Variants in VPS53 observed in about 807,000 individuals in gnomAD.
The protein encoded by VPS53 is vacuolar protein sorting-associated protein 53 homolog.
In VPS53, 70 loss-of-function variants were observed where a neutral mutation model predicts 107.0. That is an observed-to-expected ratio of 0.65 (90% confidence interval 0.54 to 0.80). The LOEUF (loss-of-function observed/expected upper bound fraction) is 0.80. Ranked by LOEUF, VPS53 falls within the 30% of genes least tolerant of loss-of-function variation. The pLI is 0.00. For synonymous variants in VPS53, 409 were observed against 393.3 expected, an observed-to-expected ratio of 1.04 and a Z score of -0.47; for missense variants, 917 against 1,049.4, an observed-to-expected ratio of 0.87 and a Z score of 1.74.
intron 13 of VPS53, among the ~76,000 whole-genome samples, chr17:565,149 C>T (rs1913369873): frequency 6.6e-6 from 1 of 152,082 alleles, no homozygotes; most frequent in South Asian, 2.1e-4. Context: ...CACCTGTAAT[C>T]CCAGCACTTT....
chr17:579,952 C>T (rs1341193364), intron 13 of VPS53, among the ~76,000 whole-genome samples: 1 of 151,500 alleles, frequency 6.6e-6, no homozygotes, highest in African/African-American at 2.4e-5. Flanking sequence ...AATGCATTCC[C>T]AGAGAACCCC....
intron 19 of VPS53, among the ~76,000 whole-genome samples, chr17:529,266 C>T (rs1046065094): frequency 6.6e-5 from 10 of 152,186 alleles, no homozygotes; most frequent in Non-Finnish European, 1.5e-4. Flanking sequence ...GCTCTAATTA[C>T]AATACTGCTG....
At chr17:695,513 T>C (rs949140839) in intron 4 of VPS53, among the ~76,000 whole-genome samples, 8 of 152,078 alleles carry the variant, frequency 5.3e-5, no homozygotes, top group Admixed American at 1.3e-4. Context: ...AAAACTGGAA[T>C]TGGAGACCAG....
intron 4 of VPS53, among the ~76,000 whole-genome samples, chr17:663,201 C>CA (rs1016148094): frequency 6.6e-6 from 1 of 151,914 alleles, no homozygotes; most frequent in African/African-American, 2.4e-5. Flanking sequence ...GATCTTGTCT[C>CA]AAAAAAACAA....
At chr17:636,449 C>A (rs1267242538) in intron 7 of VPS53, among the ~76,000 whole-genome samples, 1 of 152,208 alleles carries the variant, frequency 6.6e-6, no homozygotes, top group Non-Finnish European at 1.5e-5. Context: ...TCTTCCAACA[C>A]TATGTTGAAT....
At position 518,196 on chromosome 17, in the gene VPS53, C is replaced by T. The variant is rs1053563535; in HGVS notation, c.*932G>A. The T allele has an allele frequency of 6.7e-6, 1 of 150,256 alleles. No homozygotes were observed. The highest frequency in any genetic ancestry group is 1.5e-5 in the Non-Finnish European group (1 of 67,372). 9.3% of individuals were successfully genotyped at this position (150,256 alleles called of 1,614,324 possible). A position where few individuals can be genotyped will look rare whatever the true frequency, so the allele number is the denominator to read the frequency against. On this transcript the variant is annotated 3_prime_UTR_variant, in exon 22 of 22. Coordinates refer to ENST00000437048, the MANE Select transcript of VPS53 (RefSeq NM_001128159.3). ...CAGGGTTAACGGCTTGATATGCTGC[C>T]ATTCTCTGGATGCAGGATGACATGA...
chr17:694,325 C>T (rs1377075538), intron 4 of VPS53, among the ~76,000 whole-genome samples: 2 of 152,088 alleles, frequency 1.3e-5, no homozygotes, highest in African/African-American at 4.8e-5. Flanking sequence ...GGGAGAACGC[C>T]GACATTCCTG....
At chr17:599,237 C>G (rs1360038654) in intron 12 of VPS53, among the ~76,000 whole-genome samples, 1 of 152,088 alleles carries the variant, frequency 6.6e-6, no homozygotes, top group East Asian at 2.0e-4. Context: ...GGCCACCACC[C>G]TGTCTGGGAG....
intron 11 of VPS53, among the ~76,000 whole-genome samples, chr17:610,489 A>G (rs1968809665): frequency 2.0e-5 from 3 of 152,208 alleles, no homozygotes; most frequent in African/African-American, 7.2e-5. Context: ...TGGATATGAC[A>G]CTAAACACAA....
chr17:634,857 C>T (rs1970124849), intron 7 of VPS53, among the ~76,000 whole-genome samples: 3 of 149,478 alleles, frequency 2.0e-5, no homozygotes, highest in South Asian at 4.4e-4. Flanking sequence ...AATAAACATA[C>T]GTGTGCATGT....
intron 17 of VPS53, among the ~76,000 whole-genome samples, chr17:547,115 G>C (rs1911274632): frequency 6.6e-6 from 1 of 152,118 alleles, no homozygotes; most frequent in African/African-American, 2.4e-5. Context: ...GACCTCAGGT[G>C]ATCTGCCCAC....
In VPS53 at chr17:586,254, A is replaced by C. The variant is rs1000474337; in HGVS notation, c.1313+16T>G. The stretch of plus-strand genomic sequence containing the variant: ...CGAGAAATGCAGGCAGAAAACAGCG[A>C]ATGTTCCTCACTCACTTGTCTTGGG... On this transcript the variant is annotated intron_variant, in intron 13 of 21. Transcript: ENST00000437048. 1 of 1,612,382 alleles carries C rather than the reference A, an allele frequency of 6.2e-7. No homozygotes were observed. The highest frequency in any genetic ancestry group is 8.5e-7 in the Non-Finnish European group (1 of 1,178,436).
chr17:654,779 G>C (rs1289591134), intron 6 of VPS53, among the ~76,000 whole-genome samples: 1 of 150,868 alleles, frequency 6.6e-6, no homozygotes, highest in Non-Finnish European at 1.5e-5. Flanking sequence ...ACAGGATCAA[G>C]TTCAAGCCAA....
rs8077828 is a variant in VPS53, at chr17:681,098, T to C, written c.285+16320A>G. Among the ~76,000 whole-genome samples, 1,105 of 152,292 alleles carry C rather than the reference T, an allele frequency of 7.3e-3. 18 individuals carry two copies. Among genetic ancestry groups the C allele is most frequent in the East Asian group, 0.055 (287 of 5,188 alleles). On this transcript the variant is annotated intron_variant, in intron 4 of 21. Coordinates refer to ENST00000437048, the MANE Select transcript of VPS53 (RefSeq NM_001128159.3). Reference sequence around the variant, plus strand: ...TGTTTTTTGAAAAATAACTATATTTTCCCCCCAGACAAAACAAAGTTGTTT... The same window carrying C: ...TGTTTTTTGAAAAATAACTATATTTCCCCCCCAGACAAAACAAAGTTGTTT...
chr17:561,660 C>T (rs1913008867), intron 14 of VPS53, among the ~76,000 whole-genome samples: 1 of 152,154 alleles, frequency 6.6e-6, no homozygotes, highest in Non-Finnish European at 1.5e-5. Flanking sequence ...GGCGGAGTCT[C>T]CCTGCAATGC....
chr17:555,534 T>C (rs527696431), intron 15 of VPS53, among the ~76,000 whole-genome samples: 34 of 151,760 alleles, frequency 2.2e-4, no homozygotes, highest in Non-Finnish European at 3.5e-4. Flanking sequence ...GGGGTTTTAC[T>C]ATGTTGGCCA....
rs745847090 is a variant in VPS53 at position 562,610 on chromosome 17, C to T, written c.1449G>A (p.Val483=). Reference sequence around the variant, plus strand: ...CCCCAGTACTGAGCTGAGAGCATTGCACCATGCACTTCTTGTAGTAGACAA... The same window carrying T: ...CCCCAGTACTGAGCTGAGAGCATTGTACCATGCACTTCTTGTAGTAGACAA... ...DLFVYYKKCM[V]QCSQLSTGEP... The change falls in exon 14 of 22, where the codon GTG becomes GTA. Residue 483 remains valine, a synonymous_variant. Transcript: ENST00000437048. 1.2e-6 allele frequency: 2 copies of T among 1,613,998 alleles called. No homozygotes were observed. The highest frequency in any genetic ancestry group is 1.7e-6 in the Non-Finnish European group (2 of 1,180,016).
intron 4 of VPS53, among the ~76,000 whole-genome samples, chr17:696,741 T>TTCA (rs1375394021): frequency 6.6e-6 from 1 of 152,000 alleles, no homozygotes; most frequent in Non-Finnish European, 1.5e-5. Flanking sequence ...TAAGACTTAC[T>TTCA]TCATTCCCTC....
intron 7 of VPS53, among the ~76,000 whole-genome samples, chr17:644,782 C>T (rs1235519738): frequency 3.9e-5 from 6 of 152,158 alleles, no homozygotes; most frequent in African/African-American, 1.4e-4. Flanking sequence ...CAGGGTTTCA[C>T]CATGTTGTCC....
Sources: gnomAD v4.1 joint callset for allele counts (sites outside exome capture counted in the v4.1 genomes callset) on GRCh38, gnomAD v4.1.1 for gene constraint, MANE v1.5 for transcripts, NCBI Gene and HGNC (gene_info 2026-07-23, HGNC 2026-07-21) for gene names.